The following ACAD11 variants were observed in gnomAD, a reference collection of about 807,000 sequenced individuals.
ACAD11 encodes acyl-Coenzyme A dehydrogenase family, member 11.
Under a neutral mutation model 102.2 loss-of-function variants are expected in ACAD11, and 83 were observed. That is an observed-to-expected ratio of 0.81 (90% CI 0.68 to 0.97). The LOEUF (loss-of-function observed/expected upper bound fraction) is 0.97, where lower values mean the gene tolerates loss of function less well. ACAD11 is among the 50% of genes least tolerant of loss of function. ACAD11 has a pLI of 0.00. For synonymous variants in ACAD11, 324 were observed against 319.8 expected (o/e 1.01, Z -0.14); for missense variants, 901 against 951.7 (o/e 0.95, Z 0.70).
chr3:132,659,679 G>A lies in ACAD11; in HGVS notation c.73C>T (p.Leu25=), dbSNP rs769218988. The change falls in exon 1 of 20, where the codon CTG becomes TTG. Residue 25 remains leucine, a synonymous_variant. Coordinates refer to ENST00000264990, the MANE Select transcript of ACAD11 (RefSeq NM_032169.5). Reference sequence around the variant, plus strand: ...AAGTGCTGGTTTAGGTAGGCCTCCAGGGACTTGCTGTCGAACTTGTGCTGG... The same window carrying A: ...AAGTGCTGGTTTAGGTAGGCCTCCAAGGACTTGCTGTCGAACTTGTGCTGG... ...LPQHKFDSKS[L]EAYLNQHLSG... 6.2e-6 allele frequency: 10 copies of A among 1,611,458 alleles called. No homozygotes were observed. The highest frequency in any genetic ancestry group is 2.7e-5 in the African/African-American group (2 of 74,736).
chr3:132,574,285 CCTT>C (rs980050876), intron 17 of ACAD11, among the ~76,000 whole-genome samples: 4 of 152,168 alleles, frequency 2.6e-5, no homozygotes, highest in African/African-American at 9.7e-5. Context: ...ACCTCTTCAT[CCTT>C]CTTCAACAGC....
chr3:132,644,728 T>C, intron 2 of ACAD11, 69 bp downstream of exon 2: 1 of 804,824 alleles, frequency 1.2e-6, no homozygotes, highest in Non-Finnish European at 1.9e-6. Flanking sequence ...TAAAAGTAAA[T>C]TGGCTTTGTG....
At position 132,631,265 on chromosome 3, in the gene ACAD11, A is replaced by T. The variant is rs1576606142; in HGVS notation, c.841+76T>A. 4 of 899,980 alleles carry T rather than the reference A, an allele frequency of 4.4e-6. No homozygotes were observed. The East Asian group carries it at 1.3e-4, about 30-fold the overall frequency. 55.7% of individuals were successfully genotyped at this position (899,980 alleles called of 1,614,324 possible). A position where few individuals can be genotyped will look rare whatever the true frequency, so the allele number is the denominator to read the frequency against. ...AAAAACTATTATCTAAAATTGCAAG[A>T]TTTATATTTTAATTATGAAAGTAAT... is the stretch of plus-strand genomic sequence containing the variant. On this transcript the variant is annotated intron_variant, in intron 6 of 19. Coordinates refer to ENST00000264990, the MANE Select transcript of ACAD11 (RefSeq NM_032169.5).
Position 132,606,600 on chromosome 3 carries a change from G to C in ACAD11, c.1415-1395C>G, listed in dbSNP as rs188219369. 2.5e-3 allele frequency among the ~76,000 whole-genome samples: 386 copies of C among 152,298 alleles called. 2 individuals carry two copies. The highest frequency in any genetic ancestry group is 8.9e-3 in the African/African-American group (369 of 41,554). On this transcript the variant is annotated intron_variant, in intron 11 of 19. Coordinates refer to ENST00000264990, the MANE Select transcript of ACAD11 (RefSeq NM_032169.5). The stretch of plus-strand genomic sequence containing the variant: ...TCTAGATTCCTCCTCTCTGGGCAGG[G>C]CATCTCTAAAAGAAAGGCAGTAGCC...
intron 1 of ACAD11, among the ~76,000 whole-genome samples, chr3:132,649,449 A>G (rs981453179): frequency 7.9e-5 from 12 of 152,338 alleles, no homozygotes; most frequent in Non-Finnish European, 7.4e-5. Context: ...TGGGTGGAGA[A>G]AAGCATAAAT....
chr3:132,608,257 C>CA (rs1458023114), intron 11 of ACAD11, among the ~76,000 whole-genome samples: 1 of 152,168 alleles, frequency 6.6e-6, no homozygotes, highest in Non-Finnish European at 1.5e-5. Context: ...ATGACAGGAT[C>CA]AAATTCACAT....
In ACAD11 at chr3:132,633,704, C is replaced by G. The variant is rs1406965903; in HGVS notation, c.703-2225G>C. 2.6e-5 allele frequency among the ~76,000 whole-genome samples: 4 copies of G among 152,086 alleles called. No homozygotes were observed. In the East Asian group the frequency reaches 7.7e-4, roughly 29 times the overall value. ...AAACAGCATGGTACTGGTACTAAAA[C>G]AGAGTAATAGACCAATGGAACAGAA... On this transcript the variant is annotated intron_variant, in intron 5 of 19. Transcript: ENST00000264990.
intron 1 of ACAD11, 111 bp downstream of exon 1, chr3:132,659,492 G>A: frequency 2.0e-6 from 3 of 1,487,542 alleles, no homozygotes; most frequent in African/African-American, 1.4e-5. Flanking sequence ...TCCACTGACT[G>A]CAGGAAAAGC....
intron 11 of ACAD11, among the ~76,000 whole-genome samples, chr3:132,608,052 C>T (rs936646265): frequency 1.3e-5 from 2 of 152,256 alleles, no homozygotes; most frequent in African/African-American, 4.8e-5. Context: ...AAATAAAATC[C>T]TTTACAGACA....
rs908473851 is a variant in ACAD11, at chr3:132,600,271, C to A, written c.1621+2958G>T. The stretch of plus-strand genomic sequence containing the variant: ...TTTCAAAGAGTGCTAGATTCAGGCT[C>A]ACATATGTTACAGCAACAGGCTATA... On this transcript the variant is annotated intron_variant, in intron 13 of 19. Coordinates refer to ENST00000264990, the MANE Select transcript of ACAD11 (RefSeq NM_032169.5). The A allele has an allele frequency of 1.1e-5, 9 of 849,854 alleles. No individual in the cohort carries two copies. The Admixed American group carries it at 1.5e-4, about 14-fold the overall frequency. The allele number at this position is 849,854 out of a possible 1,614,324, so 52.6% of individuals were successfully genotyped here.
intron 14 of ACAD11, 144 bp from the exon 15 acceptor site, chr3:132,579,025 G>A (rs551206903): frequency 4.4e-4 from 665 of 1,518,716 alleles, no homozygotes; most frequent in Non-Finnish European, 5.4e-4. Flanking sequence ...TGTAAAAGAC[G>A]TACACCAACA....
intron 13 of ACAD11, among the ~76,000 whole-genome samples, chr3:132,584,649 T>A (rs1360062328): frequency 2.0e-5 from 3 of 152,238 alleles, no homozygotes; most frequent in African/African-American, 7.2e-5. Context: ...AGTTTCTTCC[T>A]AGCCTCGATG....
chr3:132,645,499 C>G (rs186075727), intron 1 of ACAD11, among the ~76,000 whole-genome samples: 1 of 152,284 alleles, frequency 6.6e-6, no homozygotes, highest in African/African-American at 2.4e-5. Context: ...AAATTCTCAC[C>G]TAAACTAAGG....
rs1366521686 is a variant in ACAD11 at position 132,657,136 on chromosome 3, G to A, written c.149+2467C>T. On this transcript the variant is annotated intron_variant, in intron 1 of 19. Transcript: ENST00000264990. ...CCAAACATTTATAGTTTAACATTCA[G>A]TTCTTTTATCTACCTGGAACTGTGT... 2.6e-5 allele frequency among the ~76,000 whole-genome samples: 4 copies of A among 152,126 alleles called. No homozygotes were observed. The East Asian group carries it at 7.7e-4, about 29-fold the overall frequency.
rs889868447 is a variant in ACAD11, at chr3:132,633,191, T to C, written c.703-1712A>G. 2.0e-5 allele frequency among the ~76,000 whole-genome samples: 3 copies of C among 152,220 alleles called. No individual in the cohort carries two copies. The South Asian group carries it at 6.2e-4, about 31-fold the overall frequency. ...ATGCTTCCAGTTTTTGTCCATTCAG[T>C]ATGATATTGGCTGTGGGTTTGTCAT... is the stretch of plus-strand genomic sequence containing the variant. On this transcript the variant is annotated intron_variant, in intron 5 of 19. Transcript: ENST00000264990.
chr3:132,647,032 A>G (rs1360413545), intron 1 of ACAD11: 1 of 152,244 alleles, frequency 6.6e-6, no homozygotes, highest in African/African-American at 2.4e-5. Flanking sequence ...TTGTGAATAT[A>G]TGGAAAACAA....
intron 11 of ACAD11, among the ~76,000 whole-genome samples, chr3:132,607,699 C>A (rs112439308): frequency 0.021 from 3,261 of 152,210 alleles, 57 homozygotes; most frequent in South Asian, 0.072. Flanking sequence ...GGAAAACACT[C>A]CTCAGGATAT....
At chr3:132,614,428 T>C (rs1168250254) in intron 11 of ACAD11, among the ~76,000 whole-genome samples, 1 of 152,162 alleles carries the variant, frequency 6.6e-6, no homozygotes, top group East Asian at 1.9e-4. Flanking sequence ...CAAACTATAC[T>C]ACGAGGCTAC....
intron 17 of ACAD11, among the ~76,000 whole-genome samples, chr3:132,564,747 G>A (rs193148391): frequency 2.0e-5 from 3 of 152,264 alleles, no homozygotes; most frequent in South Asian, 4.1e-4. Flanking sequence ...GGATGGAATC[G>A]ATATATTTTT....
Sources: allele counts gnomAD v4.1 joint callset (sites outside exome capture counted in the v4.1 genomes callset), GRCh38; gene constraint gnomAD v4.1.1; transcripts MANE v1.5; gene names NCBI Gene and HGNC (gene_info 2026-07-23, HGNC 2026-07-21).